MYO1D: variants seen among roughly 807,000 people sequenced by gnomAD.
MYO1D encodes unconventional myosin-Id.
MYO1D carries 83 observed loss-of-function variants against 122.0 expected under a neutral mutation model. That is an observed-to-expected ratio of 0.68 (90% CI 0.57 to 0.82). The LOEUF is 0.82. MYO1D is among the 40% of genes least tolerant of loss of function. The probability of loss-of-function intolerance (pLI) is 0.00; values close to 1 mark genes in which losing one functional copy is unlikely to be tolerated. For synonymous variants in MYO1D, 464 were observed against 446.9 expected (o/e 1.04, Z -0.48); for missense variants, 1,157 against 1,269.5 (o/e 0.91, Z 1.35).
At chr17:32,750,438 C>A (rs1457622804) in intron 11 of MYO1D, among the ~76,000 whole-genome samples, 1 of 151,766 alleles carries the variant, frequency 6.6e-6, no homozygotes, top group African/African-American at 2.4e-5. Flanking sequence ...ACAGTGAAAC[C>A]CTGTCTCTAT....
intron 19 of MYO1D, among the ~76,000 whole-genome samples, chr17:32,646,450 A>T (rs2088296192): frequency 2.0e-5 from 3 of 150,950 alleles, no homozygotes; most frequent in Non-Finnish European, 4.4e-5. Flanking sequence ...TCTCTGTAAA[A>T]ATATATATAT....
intron 21 of MYO1D, chr17:32,510,096 C>T (rs1230661153): frequency 2.0e-5 from 3 of 152,210 alleles, no homozygotes; most frequent in South Asian, 2.1e-4. Flanking sequence ...GGTGCAGAAG[C>T]GTAGAAAGCT....
At chr17:32,782,194 A>G (rs1400990118) in intron 1 of MYO1D, among the ~76,000 whole-genome samples, 1 of 152,268 alleles carries the variant, frequency 6.6e-6, no homozygotes, top group East Asian at 1.9e-4. Context: ...TAATTTCAAC[A>G]ATAAATTCAA....
chr17:32,537,416 A>G (rs1416182698), intron 21 of MYO1D, among the ~76,000 whole-genome samples: 1 of 152,324 alleles, frequency 6.6e-6, no homozygotes, highest in South Asian at 2.1e-4. Flanking sequence ...CAGGGACCAT[A>G]TGGTCTGCAA....
chr17:32,679,697 T>G (rs530584313), intron 16 of MYO1D, among the ~76,000 whole-genome samples: 124 of 152,236 alleles, frequency 8.1e-4, no homozygotes, highest in African/African-American at 2.2e-3. Context: ...GTAGTGTGAT[T>G]CCTCCAGCTT....
At chr17:32,578,366 C>T (rs374481333) in intron 21 of MYO1D, among the ~76,000 whole-genome samples, 19 of 152,292 alleles carry the variant, frequency 1.2e-4, no homozygotes, top group Middle Eastern at 6.8e-3. Flanking sequence ...GATCAAACAC[C>T]CACATTTACA....
intron 20 of MYO1D, among the ~76,000 whole-genome samples, chr17:32,607,553 T>G (rs541625935): frequency 1.5e-3 from 228 of 152,232 alleles, no homozygotes; most frequent in African/African-American, 5.3e-3. Context: ...CCTCATGGAC[T>G]AGAAAACCCA....
chr17:32,801,546 G>C (rs1390273009), intron 1 of MYO1D, among the ~76,000 whole-genome samples: 1 of 152,150 alleles, frequency 6.6e-6, no homozygotes, highest in Non-Finnish European at 1.5e-5. Flanking sequence ...ATATGTTGAG[G>C]ATAATGGGAG....
intron 1 of MYO1D, among the ~76,000 whole-genome samples, chr17:32,786,520 C>A (rs557848385): frequency 1.3e-5 from 2 of 152,282 alleles, no homozygotes; most frequent in African/African-American, 4.8e-5. Context: ...CATACCTACT[C>A]AAAGATGACA....
intron 1 of MYO1D, among the ~76,000 whole-genome samples, chr17:32,828,287 C>T (rs2090740563): frequency 6.6e-6 from 1 of 152,000 alleles, no homozygotes; most frequent in South Asian, 2.1e-4. Context: ...GAGGCCGAGT[C>T]GGGCGGATCA....
intron 16 of MYO1D, among the ~76,000 whole-genome samples, chr17:32,671,976 T>C (rs1479238736): frequency 6.6e-6 from 1 of 152,212 alleles, no homozygotes; most frequent in Non-Finnish European, 1.5e-5. Flanking sequence ...CCTGACCACA[T>C]TTTTGGTACC....
intron 21 of MYO1D, among the ~76,000 whole-genome samples, chr17:32,563,200 TTCTC>T (rs201518647): frequency 7.5e-6 from 1 of 132,500 alleles, no homozygotes; most frequent in African/African-American, 3.0e-5. Flanking sequence ...TCTTTTTTTC[TTCTC>T]TCTTTTTTTT....
chr17:32,629,312 T>C (rs572223354), intron 20 of MYO1D, among the ~76,000 whole-genome samples: 1 of 152,262 alleles, frequency 6.6e-6, no homozygotes, highest in African/African-American at 2.4e-5. Context: ...TACATGACAC[T>C]ATACATTTGC....
At chr17:32,812,310 T>G (rs1442640339) in intron 1 of MYO1D, among the ~76,000 whole-genome samples, 1 of 152,246 alleles carries the variant, frequency 6.6e-6, no homozygotes, top group Non-Finnish European at 1.5e-5. Context: ...CAAACAATTA[T>G]TCAGTGTTTT....
At chr17:32,643,899 G>GT (rs1338193571) in intron 19 of MYO1D, among the ~76,000 whole-genome samples, 1 of 151,974 alleles carries the variant, frequency 6.6e-6, no homozygotes, top group Non-Finnish European at 1.5e-5. Flanking sequence ...TTTTTGAAGG[G>GT]TTTTTTGTGT....
chr17:32,755,802 G>T, intron 10 of MYO1D, 140 bp from the exon 11 acceptor site: 1 of 622,146 alleles, frequency 1.6e-6, no homozygotes, highest in Non-Finnish European at 2.7e-6. Context: ...GAGGTCTTAC[G>T]CTAAAAAGAG....
chr17:32,708,078 TG>T (rs1555645493), intron 16 of MYO1D, among the ~76,000 whole-genome samples: 1 of 152,216 alleles, frequency 6.6e-6, no homozygotes, highest in Non-Finnish European at 1.5e-5. Flanking sequence ...TGCTGAGTCC[TG>T]TGAATCCTTC....
chr17:32,787,730 T>G (rs1264659736), intron 1 of MYO1D, among the ~76,000 whole-genome samples: 5 of 152,100 alleles, frequency 3.3e-5, no homozygotes, highest in Non-Finnish European at 5.9e-5. Context: ...TATGTGGTCT[T>G]TTATTCCTCG....
intron 14 of MYO1D, among the ~76,000 whole-genome samples, chr17:32,721,441 C>T (rs980812595): frequency 6.6e-6 from 1 of 152,040 alleles, no homozygotes; most frequent in Non-Finnish European, 1.5e-5. Context: ...AGGGATAAAA[C>T]TAGGAAGTAA....
Sources: gnomAD v4.1 joint callset for allele counts (sites outside exome capture counted in the v4.1 genomes callset) on GRCh38, gnomAD v4.1.1 for gene constraint, MANE v1.5 for transcripts, NCBI Gene and HGNC (gene_info 2026-07-23, HGNC 2026-07-21) for gene names.